Variants in PLSCR2 observed in about 807,000 individuals in gnomAD.
PLSCR2 encodes phospholipid scramblase 2.
In PLSCR2, 18 loss-of-function variants were observed where a neutral mutation model predicts 25.3. The ratio of observed to expected loss-of-function variants is 0.71; its 90% CI spans 0.49 to 1.06. PLSCR2 has a LOEUF of 1.06. Among genes scored for constraint, PLSCR2 ranks in the 50% least tolerant of loss-of-function variants. The pLI is 0.00. For missense variants in PLSCR2, 243 were observed against 269.5 expected (o/e 0.90, Z 0.69); for synonymous variants, 88 against 87.3 (o/e 1.01, Z -0.04).
intron 2 of PLSCR2, among the ~76,000 whole-genome samples, chr3:146,409,986 G>C (rs1243733352): frequency 2.0e-5 from 3 of 152,138 alleles, no homozygotes; most frequent in African/African-American, 7.2e-5. Context: ...GATCTCCTGG[G>C]TCAGTTGTAT....
At chr3:146,440,487 C>T (rs1185626139), downstream of PLSCR2, among the ~76,000 whole-genome samples, 1 of 152,216 alleles carries the variant, frequency 6.6e-6, no homozygotes, top group Non-Finnish European at 1.5e-5. Context: ...GACGCCCCTT[C>T]CCCAGCCTCG....
intron 2 of PLSCR2, among the ~76,000 whole-genome samples, chr3:146,398,043 A>C (rs1356037344): frequency 2.0e-5 from 3 of 151,936 alleles, no homozygotes; most frequent in Non-Finnish European, 4.4e-5. Context: ...CAAACAAACA[A>C]ACATGTTTTA....
intron 2 of PLSCR2, among the ~76,000 whole-genome samples, chr3:146,421,995 C>T (rs892518001): frequency 2.0e-5 from 3 of 152,050 alleles, no homozygotes; most frequent in African/African-American, 4.8e-5. Context: ...GAGTCATGAG[C>T]GATGGCTAAC....
At chr3:146,434,697 T>C (rs1318762104) in intron 8 of PLSCR2, among the ~76,000 whole-genome samples, 1 of 152,118 alleles carries the variant, frequency 6.6e-6, no homozygotes, top group Non-Finnish European at 1.5e-5. Flanking sequence ...TTTCACTTTG[T>C]TTTATTTCCA....
intron 1 of PLSCR2, among the ~76,000 whole-genome samples, chr3:146,481,889 C>A (rs1159809305): frequency 6.6e-6 from 1 of 152,130 alleles, no homozygotes; most frequent in Non-Finnish European, 1.5e-5. Flanking sequence ...GATATATAGA[C>A]TAATGGAACA....
At chr3:146,488,237 A>G (rs2043417354) in intron 1 of PLSCR2, among the ~76,000 whole-genome samples, 1 of 152,128 alleles carries the variant, frequency 6.6e-6, no homozygotes, top group Non-Finnish European at 1.5e-5. Flanking sequence ...CATGAAGAAA[A>G]TCTAGGCAAT....
intron 2 of PLSCR2, among the ~76,000 whole-genome samples, chr3:146,414,785 C>A (rs2038959081): frequency 1.3e-5 from 2 of 152,190 alleles, no homozygotes; most frequent in African/African-American, 4.8e-5. Context: ...AACAAAATTT[C>A]TGAAGAATCT....
downstream of PLSCR2, among the ~76,000 whole-genome samples, chr3:146,437,208 G>A (rs1304320429): frequency 6.6e-6 from 1 of 152,048 alleles, no homozygotes; most frequent in Non-Finnish European, 1.5e-5. Flanking sequence ...TTGCACTGAT[G>A]TTCATCAGGG....
downstream of PLSCR2, among the ~76,000 whole-genome samples, chr3:146,430,301 T>C (rs538235118): frequency 3.3e-5 from 5 of 152,164 alleles, no homozygotes; most frequent in South Asian, 6.2e-4. Context: ...AACTATACTA[T>C]TGAAAATTGA....
chr3:146,482,552 T>A (rs1560053435), intron 1 of PLSCR2, among the ~76,000 whole-genome samples: 1 of 151,998 alleles, frequency 6.6e-6, no homozygotes, highest in Non-Finnish European at 1.5e-5. Flanking sequence ...GCTAGAATGG[T>A]GATCATTAAA....
chr3:146,460,715 C>T (rs1309529465), upstream of PLSCR2, among the ~76,000 whole-genome samples: 1 of 151,176 alleles, frequency 6.6e-6, no homozygotes, highest in East Asian at 1.9e-4. Flanking sequence ...CCAGAACATC[C>T]TCCTGAAAAC....
downstream of PLSCR2, among the ~76,000 whole-genome samples, chr3:146,436,986 C>A (rs958176504): frequency 2.6e-5 from 4 of 151,846 alleles, no homozygotes; most frequent in African/African-American, 9.7e-5. Flanking sequence ...TAGCATGAAG[C>A]ACTGTTGAAT....
At chr3:146,446,440 G>A (rs2040558173) in intron 6 of PLSCR2, among the ~76,000 whole-genome samples, 1 of 152,066 alleles carries the variant, frequency 6.6e-6, no homozygotes, top group Non-Finnish European at 1.5e-5. Context: ...TGGCAGTCTT[G>A]GGTAAAATCC....
chr3:146,421,236 C>G (rs770602720), intron 2 of PLSCR2, among the ~76,000 whole-genome samples: 1 of 152,044 alleles, frequency 6.6e-6, no homozygotes, highest in Non-Finnish European at 1.5e-5. Flanking sequence ...TAGATACAAA[C>G]ATAAATGTCT....
In PLSCR2 at chr3:146,455,323, A is replaced by C. The variant is rs776047973; in HGVS notation, c.237T>G (p.Ile79Met). 3.7e-6 allele frequency: 6 copies of C among 1,613,970 alleles called. No individual in the cohort carries two copies. The Admixed American group carries it at 1.0e-4, about 27-fold the overall frequency. ...TGACTTCTCGACCCACATTATCAGT[A>C]ATCCTCAAGGTAAAAGGTCTAGACC... The change falls in exon 4 of 7, where the codon ATT becomes ATG. Residue 79 changes from isoleucine (I) to methionine (M), a missense_variant. Physicochemically the swap from Ile to Met is conservative, Grantham distance 10. Coordinates refer to ENST00000610787, the Ensembl canonical transcript of PLSCR2.
chr3:146,431,152 G>A (rs148329113), downstream of PLSCR2, among the ~76,000 whole-genome samples: 422 of 152,290 alleles, frequency 2.8e-3, 1 homozygote, highest in African/African-American at 9.7e-3. Flanking sequence ...AGAGAAGGAA[G>A]GGCTGTGTAA....
intron 5 of PLSCR2, among the ~76,000 whole-genome samples, chr3:146,450,961 A>T (rs928429747): frequency 1.3e-5 from 2 of 151,828 alleles, no homozygotes; most frequent in Non-Finnish European, 2.9e-5. Flanking sequence ...AATTTTTATA[A>T]AAAAAATTTA....
chr3:146,461,746 G>T (rs1377947778), upstream of PLSCR2: 5 of 694,042 alleles, frequency 7.2e-6, no homozygotes, highest in Non-Finnish European at 1.3e-5. Context: ...AGTATGCATG[G>T]TTGTCACCAA....
chr3:146,452,499 A>G (rs540997597), intron 5 of PLSCR2, among the ~76,000 whole-genome samples: 2 of 152,174 alleles, frequency 1.3e-5, no homozygotes, highest in Non-Finnish European at 2.9e-5. Context: ...ATAATTCAAA[A>G]CATATAATTT....
Sources: allele counts gnomAD v4.1 joint callset (sites outside exome capture counted in the v4.1 genomes callset), GRCh38; gene constraint gnomAD v4.1.1; transcripts MANE v1.5; gene names NCBI Gene and HGNC (gene_info 2026-07-23, HGNC 2026-07-21).